Variants in LRRC37A2 observed in about 807,000 individuals in gnomAD.
LRRC37A2 encodes leucine-rich repeat-containing protein 37A2.
Under a neutral mutation model 68.8 loss-of-function variants are expected in LRRC37A2, and 9 were observed. The observed-to-expected ratio is 0.13, with a 90% CI of 0.08 to 0.23. The LOEUF (loss-of-function observed/expected upper bound fraction) is 0.23. LRRC37A2 is among the 10% of genes least tolerant of loss of function. The pLI, the probability that LRRC37A2 is intolerant of heterozygous loss-of-function variation, is 1.00. For synonymous variants in LRRC37A2, 63 were observed against 367.6 expected (o/e 0.17, Z 9.48); for missense variants, 168 against 950.4 (o/e 0.18, Z 10.82).
the LRRC37A2 span, chr17:46,722,261 T>C: frequency 2.9e-6 from 3 of 1,035,306 alleles, no homozygotes; most frequent in Admixed American, 1.8e-5. Flanking sequence ...AAGATTAATT[T>C]TGGGGGGAGT....
the LRRC37A2 span, among the ~76,000 whole-genome samples, chr17:46,383,989 G>GGAAAACCAACTGGTTTTCCA: frequency 1.6e-5 from 1 of 62,988 alleles, no homozygotes; most frequent in Non-Finnish European, 4.2e-5. Context: ...TTTTCCATAT[G>GGAAAACCAACTGGTTTTCCA]TATAACCAGT....
chr17:46,631,061 TACACAC>T, the LRRC37A2 span, among the ~76,000 whole-genome samples: 4 of 122,842 alleles, frequency 3.3e-5, no homozygotes, highest in African/African-American at 7.8e-5. Context: ...TCTCTCTCTG[TACACAC>T]ACACACACAC....
At chr17:46,746,744 A>G in the LRRC37A2 span, among the ~76,000 whole-genome samples, 3 of 152,188 alleles carry the variant, frequency 2.0e-5, no homozygotes, top group Non-Finnish European at 4.4e-5. Context: ...TGTATTGGTT[A>G]TTTGGCCTTG....
At chr17:46,896,452 A>AAGAAAGAAAGAAAGAAAGAAAGAAAAAG in the LRRC37A2 span, among the ~76,000 whole-genome samples, 9 of 65,878 alleles carry the variant, frequency 1.4e-4, no homozygotes, top group Admixed American at 9.1e-4. Context: ...GAAAGAAAGA[A>AAGAAAGAAAGAAAGAAAGAAAGAAAAAG]AAAGAAAGAA....
At chr17:46,928,744 A>G in the LRRC37A2 span, among the ~76,000 whole-genome samples, 1 of 152,042 alleles carries the variant, frequency 6.6e-6, no homozygotes, top group Non-Finnish European at 1.5e-5. Context: ...CTCTCCCCCA[A>G]CCCGATTCCC....
the LRRC37A2 span, among the ~76,000 whole-genome samples, chr17:46,944,619 T>C: frequency 6.6e-6 from 1 of 151,670 alleles, no homozygotes; most frequent in Non-Finnish European, 1.5e-5. Flanking sequence ...TCTTTTTTTT[T>C]TTTTTCCTCT....
chr17:46,885,136 G>T, the LRRC37A2 span: 13 of 392,344 alleles, frequency 3.3e-5, no homozygotes, highest in Middle Eastern at 8.6e-4. Flanking sequence ...TTACAGGCAT[G>T]CACCACCACG....
the LRRC37A2 span, among the ~76,000 whole-genome samples, chr17:46,960,793 A>C: frequency 6.6e-6 from 1 of 152,210 alleles, no homozygotes; most frequent in Non-Finnish European, 1.5e-5. Context: ...TTTGAAATTC[A>C]GGAAAAGAAA....
the LRRC37A2 span, among the ~76,000 whole-genome samples, chr17:46,676,441 A>G: frequency 7.3e-6 from 1 of 137,898 alleles, no homozygotes; most frequent in Non-Finnish European, 1.5e-5. Flanking sequence ...CATGTTGGTC[A>G]GGCTGGTCTC....
chr17:46,883,504 T>C, the LRRC37A2 span, among the ~76,000 whole-genome samples: 19 of 151,846 alleles, frequency 1.3e-4, no homozygotes, highest in South Asian at 1.7e-3. Flanking sequence ...AGGCTGGTCT[T>C]GAACTCCTGA....
At chr17:46,896,398 G>GAA in the LRRC37A2 span, among the ~76,000 whole-genome samples, 1 of 60,022 alleles carries the variant, frequency 1.7e-5, no homozygotes, top group Admixed American at 1.9e-4. Flanking sequence ...GAAAGAGAAA[G>GAA]AAAGAAAGAA....
the LRRC37A2 span, among the ~76,000 whole-genome samples, chr17:46,793,406 C>T: frequency 1.3e-5 from 2 of 151,936 alleles, no homozygotes; most frequent in African/African-American, 2.4e-5. Context: ...GCTCCGGCCG[C>T]TGTTGGGGTT....
the LRRC37A2 span, among the ~76,000 whole-genome samples, chr17:46,490,525 C>A: frequency 4.0e-5 from 6 of 150,804 alleles, no homozygotes; most frequent in Admixed American, 3.3e-4. Flanking sequence ...GAGTTGGAGA[C>A]CAGCCTGGCC....
At chr17:46,989,628 C>T in the LRRC37A2 span, among the ~76,000 whole-genome samples, 1 of 152,224 alleles carries the variant, frequency 6.6e-6, no homozygotes, top group Non-Finnish European at 1.5e-5. Flanking sequence ...ACCCTTGTAT[C>T]GTCACTCCCA....
chr17:46,747,614 G>T, the LRRC37A2 span, among the ~76,000 whole-genome samples: 1 of 152,056 alleles, frequency 6.6e-6, no homozygotes, highest in Non-Finnish European at 1.5e-5. Context: ...AATTGCACAG[G>T]ATGCAATTAA....
At chr17:46,771,491 C>CGCGGGGGCG in the LRRC37A2 span, among the ~76,000 whole-genome samples, 17 of 149,756 alleles carry the variant, frequency 1.1e-4, no homozygotes, top group Middle Eastern at 6.9e-3. Flanking sequence ...GCCCCGGGAA[C>CGCGGGGGCG]GCGGGGGCGG....
intron 6 of LRRC37A2, among the ~76,000 whole-genome samples, chr17:46,534,164 C>T (rs368880377): frequency 1.6e-4 from 23 of 148,052 alleles, no homozygotes; most frequent in East Asian, 1.4e-3. Context: ...CAGGCATGCA[C>T]CACCATGCCC....
the LRRC37A2 span, among the ~76,000 whole-genome samples, chr17:46,954,440 G>A: frequency 9.1e-4 from 139 of 152,246 alleles, no homozygotes; most frequent in African/African-American, 3.0e-3. Flanking sequence ...TTACTGTAGC[G>A]TTGTAGTATA....
At position 46,512,604 on chromosome 17, in the gene LRRC37A2, TAA is replaced by T. The variant is rs2051018702; in HGVS notation, c.-108_-107del. On this transcript the variant is annotated 5_prime_UTR_variant, in exon 2 of 15. The change creates a new upstream start codon in the 5' untranslated region. Coordinates refer to ENST00000576629, the Ensembl canonical transcript of LRRC37A2. ...GGCGTGCTTGGGCGGGATTGTGACA[TAA>T]GAGTGCCCTGGTGACATGGAGCAGA... The T allele has an allele frequency of 3.5e-6, 1 of 287,146 alleles. No individual in the cohort carries two copies. The highest frequency in any genetic ancestry group is 5.7e-5 in the Admixed American group (1 of 17,436). The allele number at this position is 287,146 out of a possible 1,614,324, so 17.8% of individuals were successfully genotyped here.
Sources: gnomAD v4.1 joint callset for allele counts (sites outside exome capture counted in the v4.1 genomes callset) on GRCh38, gnomAD v4.1.1 for gene constraint, MANE v1.5 for transcripts, NCBI Gene and HGNC (gene_info 2026-07-23, HGNC 2026-07-21) for gene names.